Variants in ACTR3B observed in about 807,000 individuals in gnomAD.
ACTR3B encodes actin-related protein 3B.
ACTR3B carries 8 observed loss-of-function variants against 59.0 expected under a neutral mutation model. The observed-to-expected ratio is 0.14, with a 90% CI of 0.08 to 0.24. ACTR3B has a LOEUF of 0.24. Ranked by LOEUF, ACTR3B falls within the 10% of genes least tolerant of loss-of-function variation. The pLI is 1.00. For missense variants in ACTR3B, 245 were observed against 552.3 expected, an observed-to-expected ratio of 0.44 and a Z score of 5.58; for synonymous variants, 148 against 197.9, an observed-to-expected ratio of 0.75 and a Z score of 2.12.
At position 152,807,472 on chromosome 7, in the gene ACTR3B, A is replaced by G. The variant is rs1044750910; in HGVS notation, c.336+5741A>G. On this transcript the variant is annotated intron_variant, in intron 4 of 11. Coordinates refer to ENST00000256001, the MANE Select transcript of ACTR3B (RefSeq NM_020445.6). ...TCATTTTCTTGGTTTTATAAGAAATAATGTAATCTTTGTGCATACAGTTTT... is the reference window on the plus strand; with the variant it reads ...TCATTTTCTTGGTTTTATAAGAAATGATGTAATCTTTGTGCATACAGTTTT... Among the ~76,000 whole-genome samples the G allele has an allele frequency of 1.2e-3, 190 of 152,072 alleles. 1 individual carries two copies. Among genetic ancestry groups the G allele is most frequent in the African/African-American group, 4.4e-3 (181 of 41,464 alleles).
intron 9 of ACTR3B, among the ~76,000 whole-genome samples, chr7:152,828,623 C>T (rs1014618519): frequency 9.9e-5 from 15 of 152,216 alleles, no homozygotes; most frequent in South Asian, 4.1e-4. Context: ...CTGCAGAGCA[C>T]GCAGTCACCT....
intron 1 of ACTR3B, among the ~76,000 whole-genome samples, chr7:152,761,239 A>C (rs1349015336): frequency 6.6e-6 from 1 of 152,168 alleles, no homozygotes; most frequent in Non-Finnish European, 1.5e-5. Flanking sequence ...TCGATACTAC[A>C]GCTCCCCTCC....
At chr7:152,778,788 A>C (rs955804955) in intron 1 of ACTR3B, among the ~76,000 whole-genome samples, 11 of 151,538 alleles carry the variant, frequency 7.3e-5, no homozygotes, top group African/African-American at 1.9e-4. Context: ...AAAATAAAAA[A>C]AAAACTTAGC....
At chr7:152,783,816 G>A (rs1361171460) in intron 2 of ACTR3B, among the ~76,000 whole-genome samples, 3 of 151,870 alleles carry the variant, frequency 2.0e-5, no homozygotes, top group Non-Finnish European at 2.9e-5. Flanking sequence ...TTGGCTGGGC[G>A]TGGTGGCTCA....
At chr7:152,808,614 C>G (rs2689434) in intron 4 of ACTR3B, among the ~76,000 whole-genome samples, 5 of 152,136 alleles carry the variant, frequency 3.3e-5, no homozygotes, top group South Asian at 2.1e-4. Flanking sequence ...TTCCCCAGCT[C>G]TACTCAGAAA....
intron 9 of ACTR3B, among the ~76,000 whole-genome samples, chr7:152,835,178 A>G (rs1797346927): frequency 1.3e-5 from 2 of 152,182 alleles, no homozygotes; most frequent in South Asian, 2.1e-4. Context: ...GTGGGTCTCC[A>G]CGTGGGCTGA....
chr7:152,810,420 T>TG (rs1337710883), intron 4 of ACTR3B, among the ~76,000 whole-genome samples: 1,605 of 107,314 alleles, frequency 0.015, 30 homozygotes, highest in African/African-American at 0.051. Context: ...TTTTTTTTTT[T>TG]TTTTTTTTGT....
chr7:152,803,178 T>C (rs28432749), intron 4 of ACTR3B, among the ~76,000 whole-genome samples: 4,062 of 152,288 alleles, frequency 0.027, 87 homozygotes, highest in African/African-American at 0.06. Context: ...CCTGAGTAGC[T>C]CGGACCACAG....
rs1380093239 is a variant in ACTR3B at position 152,759,838 on chromosome 7, G to T, written c.-45G>T. 8.2e-7 allele frequency: 1 copy of T among 1,219,824 alleles called. No individual in the cohort carries two copies. The highest frequency in any genetic ancestry group is 1.0e-6 in the Non-Finnish European group (1 of 977,506). The allele number at this position is 1,219,824 out of a possible 1,614,324, so 75.6% of individuals were successfully genotyped here. A position where few individuals can be genotyped will look rare whatever the true frequency, so the allele number is the denominator to read the frequency against. Reference sequence around the variant, plus strand: ...GGGCGGCGGAGCGGACGGCGACGGGGCGCTCTCGGGCTGCCGGCGGGGCCG... The same window carrying T: ...GGGCGGCGGAGCGGACGGCGACGGGTCGCTCTCGGGCTGCCGGCGGGGCCG... On this transcript the variant is annotated 5_prime_UTR_variant, in exon 1 of 12. Coordinates refer to ENST00000256001, the MANE Select transcript of ACTR3B (RefSeq NM_020445.6).
chr7:152,789,067 C>CAGCAGCAACA (rs1590256098), intron 2 of ACTR3B, among the ~76,000 whole-genome samples: 3 of 37,768 alleles, frequency 7.9e-5, no homozygotes, highest in African/African-American at 1.4e-4. Flanking sequence ...CAACAACAAA[C>CAGCAGCAACA]AACAACAACA....
chr7:152,819,464 C>T (rs1358564518), intron 6 of ACTR3B, among the ~76,000 whole-genome samples: 2 of 152,236 alleles, frequency 1.3e-5, no homozygotes, highest in African/African-American at 2.4e-5. Context: ...TGCTCATCCC[C>T]TGGAGAACAA....
chr7:152,790,250 C>A (rs1315509990), intron 2 of ACTR3B, among the ~76,000 whole-genome samples: 1 of 152,270 alleles, frequency 6.6e-6, no homozygotes, highest in Non-Finnish European at 1.5e-5. Context: ...ACCTTGGTCT[C>A]TCAAAGTGTT....
At chr7:152,845,237 G>C (rs562962548) in intron 9 of ACTR3B, among the ~76,000 whole-genome samples, 1 of 152,122 alleles carries the variant, frequency 6.6e-6, no homozygotes, top group Admixed American at 6.5e-5. Flanking sequence ...CCCTCAGTTA[G>C]TGTTTTCATT....
chr7:152,787,874 A>T (rs1370631961), intron 2 of ACTR3B, among the ~76,000 whole-genome samples: 2 of 151,446 alleles, frequency 1.3e-5, no homozygotes, highest in Non-Finnish European at 2.9e-5. Context: ...TTCATTTTAG[A>T]ATCAGCTTAA....
intron 9 of ACTR3B, among the ~76,000 whole-genome samples, chr7:152,837,573 G>C (rs1373387265): frequency 1.3e-5 from 2 of 152,374 alleles, no homozygotes; most frequent in Admixed American, 1.3e-4. Context: ...AATGAGTGGG[G>C]ACAGTCTGTT....
chr7:152,803,854 A>G (rs3864526), intron 4 of ACTR3B, among the ~76,000 whole-genome samples: 80,513 of 152,048 alleles, frequency 0.53, 23,237 homozygotes, highest in East Asian at 0.72. Context: ...GAATTCTGCA[A>G]GTCATTCTGT....
At chr7:152,797,166 C>T (rs1297419745) in intron 2 of ACTR3B, among the ~76,000 whole-genome samples, 1 of 152,100 alleles carries the variant, frequency 6.6e-6, no homozygotes, top group African/African-American at 2.4e-5. Context: ...TATCATAGCT[C>T]ATTGCAGCCT....
intron 7 of ACTR3B, among the ~76,000 whole-genome samples, 180 bp downstream of exon 7, chr7:152,820,622 C>T (rs1796071658): frequency 6.6e-6 from 1 of 152,184 alleles, no homozygotes; most frequent in South Asian, 2.1e-4. Context: ...CTCTTCCAAA[C>T]TAGATGCTTT....
Position 152,844,309 on chromosome 7 carries a change from C to T in ACTR3B, c.952-7817C>T, listed in dbSNP as rs530868641. Among the ~76,000 whole-genome samples the T allele has an allele frequency of 3.9e-5, 6 of 152,212 alleles. No homozygotes were observed. The East Asian group carries it at 5.8e-4, about 15-fold the overall frequency. ...CTGACCTCAGGTGATCCGCCTGCCT[C>T]GGCCTCCCAAAGTGCTGAGATTACA... is the stretch of plus-strand genomic sequence containing the variant. On this transcript the variant is annotated intron_variant, in intron 9 of 11. Transcript: ENST00000256001.
Sources: gnomAD v4.1 joint callset for allele counts (sites outside exome capture counted in the v4.1 genomes callset) on GRCh38, gnomAD v4.1.1 for gene constraint, MANE v1.5 for transcripts, NCBI Gene and HGNC (gene_info 2026-07-23, HGNC 2026-07-21) for gene names.